Variants in COL8A1 observed in about 807,000 individuals in gnomAD.
COL8A1 encodes collagen type VIII alpha 1 chain.
Under a neutral mutation model 42.7 loss-of-function variants are expected in COL8A1, and 21 were observed. The observed-to-expected ratio is 0.49, with a 90% CI of 0.35 to 0.71. The LOEUF is 0.71. COL8A1 is among the 30% of genes least tolerant of loss of function. COL8A1 has a pLI of 0.01. For synonymous variants in COL8A1, 367 were observed against 369.1 expected, an observed-to-expected ratio of 0.99 and a Z score of 0.06; for missense variants, 788 against 962.4, an observed-to-expected ratio of 0.82 and a Z score of 2.40.
Position 99,790,867 on chromosome 3 carries a change from C to T in COL8A1, c.185C>T (p.Pro62Leu), listed in dbSNP as rs753005443. The T allele has an allele frequency of 6.2e-6, 10 of 1,614,122 alleles. No homozygotes were observed. In the Admixed American group the frequency reaches 6.7e-5, roughly 11 times the overall value. Reference protein sequence around the residue: ...QPLGQQVPHMPLAKDGLAMGK... With the variant: ...QPLGQQVPHMLLAKDGLAMGK... ...CTGGGTCAGCAAGTACCTCACATGC[C>T]TTTGGCCAAAGATGGCCTTGCCATG... The change falls in exon 3 of 4, where the codon CCT (proline) becomes CTT (leucine). Residue 62 changes from proline to leucine, a missense_variant. Pro to Leu is a moderately conservative substitution (Grantham distance 98). Around this residue, in one of 4 missense-constraint regions of COL8A1, gnomAD observed 421 missense variants for 553.1 expected, o/e 0.76. Coordinates refer to ENST00000652472, the MANE Select transcript of COL8A1 (RefSeq NM_020351.4).
rs1471773281 is a variant in COL8A1, at chr3:99,794,408, A to G, written c.507A>G (p.Pro169=). ...KPGMPGMPGK[P]GAMGMPGAKG... ...GTATGCCTGGAATGCCAGGGAAGCC[A>G]GGAGCCATGGGCATGCCTGGGGCAA... The change falls in exon 4 of 4, where the codon CCA becomes CCG. Residue 169 remains proline (P), a synonymous_variant. Transcript: ENST00000652472. This position sits in a 1 kb window ranked among gnomAD's most constrained non-coding sequence, Gnocchi z 4.3. 1.2e-6 allele frequency: 2 copies of G among 1,614,064 alleles called. No individual in the cohort carries two copies. The highest frequency in any genetic ancestry group is 2.2e-5 in the East Asian group (1 of 44,858).
chr3:99,734,130 C>G, intron 1 of COL8A1, among the ~76,000 whole-genome samples: 1 of 151,654 alleles, frequency 6.6e-6, no homozygotes, highest in East Asian at 1.9e-4. Flanking sequence ...GTTTCTTTTG[C>G]TGTGCAGAAG....
chr3:99,734,824 C>A (rs1940651329), intron 1 of COL8A1, among the ~76,000 whole-genome samples: 2 of 152,008 alleles, frequency 1.3e-5, no homozygotes, highest in South Asian at 2.1e-4. Flanking sequence ...CTTTTATTTC[C>A]TTGAGAAGTG....
chr3:99,708,681 C>T (rs549579052), intron 1 of COL8A1, among the ~76,000 whole-genome samples: 8 of 152,140 alleles, frequency 5.3e-5, no homozygotes, highest in Admixed American at 4.6e-4. Flanking sequence ...CTGGATAGGG[C>T]CCCACAAGGA....
chr3:99,796,175 T>C lies in COL8A1; in HGVS notation c.*39T>C. On this transcript the variant is annotated 3_prime_UTR_variant, in exon 4 of 4. Transcript: ENST00000652472. ...AAAAACAAAGAAAAGAAAGAGATTT[T>C]ATAGAAGAAAATGACACACCAAAAA... is the stretch of plus-strand genomic sequence containing the variant. The C allele has an allele frequency of 2.1e-6, 3 of 1,418,746 alleles. No homozygotes were observed. Among genetic ancestry groups the C allele is most frequent in the Non-Finnish European group, 2.8e-6 (3 of 1,077,152 alleles). The allele number at this position is 1,418,746 out of a possible 1,614,324, so 87.9% of individuals were successfully genotyped here. A position where few individuals can be genotyped will look rare whatever the true frequency, so the allele number is the denominator to read the frequency against.
intron 2 of COL8A1, among the ~76,000 whole-genome samples, chr3:99,778,651 G>A (rs1295941329): frequency 6.6e-6 from 1 of 151,884 alleles, no homozygotes; most frequent in Non-Finnish European, 1.5e-5. Context: ...AATTTCTAAG[G>A]AAGAATGGCT....
intron 1 of COL8A1, among the ~76,000 whole-genome samples, chr3:99,718,938 G>C (rs1219722761): frequency 6.6e-6 from 1 of 151,928 alleles, no homozygotes; most frequent in Admixed American, 6.6e-5. Flanking sequence ...GATAATAATA[G>C]AATATTAAAT....
chr3:99,712,282 A>C (rs1383452880), intron 1 of COL8A1, among the ~76,000 whole-genome samples: 1 of 152,132 alleles, frequency 6.6e-6, no homozygotes, highest in East Asian at 1.9e-4. Flanking sequence ...TACCTCTCTA[A>C]GAAGATGGCA....
intron 2 of COL8A1, among the ~76,000 whole-genome samples, chr3:99,778,569 T>C (rs1488932865): frequency 2.0e-5 from 3 of 152,044 alleles, no homozygotes; most frequent in Non-Finnish European, 4.4e-5. Flanking sequence ...CTCAAGAATA[T>C]TTTACCATCG....
chr3:99,702,036 T>C (rs550456662), intron 1 of COL8A1, among the ~76,000 whole-genome samples: 66 of 152,294 alleles, frequency 4.3e-4, no homozygotes, highest in African/African-American at 1.4e-3. Context: ...TAAGAAGTTG[T>C]CTCCTTCGTA....
chr3:99,705,173 A>G (rs1411515879), intron 1 of COL8A1, among the ~76,000 whole-genome samples: 2 of 152,204 alleles, frequency 1.3e-5, no homozygotes, highest in Non-Finnish European at 2.9e-5. Context: ...ATTTAATTCA[A>G]AAACCCAGTT....
At chr3:99,640,877 C>G (rs1937494599) in intron 1 of COL8A1, among the ~76,000 whole-genome samples, 1 of 152,072 alleles carries the variant, frequency 6.6e-6, no homozygotes, top group African/African-American at 2.4e-5. Context: ...ATATAGCTGC[C>G]TCTTGATCAA....
chr3:99,716,364 G>A (rs1256908567), intron 1 of COL8A1, among the ~76,000 whole-genome samples: 1 of 151,960 alleles, frequency 6.6e-6, no homozygotes, highest in South Asian at 2.1e-4. Flanking sequence ...AAACATCGAG[G>A]CAGTTGCACT....
chr3:99,786,629 AT>A (rs1941901943), intron 2 of COL8A1, among the ~76,000 whole-genome samples: 1 of 152,118 alleles, frequency 6.6e-6, no homozygotes, highest in African/African-American at 2.4e-5. Flanking sequence ...AAGCACTCAA[AT>A]CTCAAATTAT....
chr3:99,704,320 G>A (rs1320402812), intron 1 of COL8A1, among the ~76,000 whole-genome samples: 3 of 152,082 alleles, frequency 2.0e-5, no homozygotes, highest in East Asian at 1.9e-4. Context: ...ACACTTTAAA[G>A]GGAAAGCAAA....
intron 2 of COL8A1, among the ~76,000 whole-genome samples, chr3:99,753,802 T>C (rs1310608224): frequency 1.3e-5 from 2 of 152,194 alleles, no homozygotes; most frequent in Non-Finnish European, 2.9e-5. Context: ...GCTTTATATA[T>C]GTTCAATTAT....
intron 1 of COL8A1, among the ~76,000 whole-genome samples, chr3:99,735,741 T>C (rs1369334971): frequency 6.6e-6 from 1 of 151,934 alleles, no homozygotes; most frequent in Non-Finnish European, 1.5e-5. Flanking sequence ...AGCTCCTCCT[T>C]GTACCTCTGG....
chr3:99,688,830 CA>C (rs1939138341), intron 1 of COL8A1, among the ~76,000 whole-genome samples: 1 of 152,180 alleles, frequency 6.6e-6, no homozygotes, highest in African/African-American at 2.4e-5. Context: ...TTCTCACCCT[CA>C]GCACTATTGA....
At chr3:99,709,198 T>C (rs901817620) in intron 1 of COL8A1, among the ~76,000 whole-genome samples, 2 of 152,124 alleles carry the variant, frequency 1.3e-5, no homozygotes, top group Non-Finnish European at 2.9e-5. Flanking sequence ...ACCCACTATA[T>C]CAGTGTTCCC....
Sources: allele counts gnomAD v4.1 joint callset (sites outside exome capture counted in the v4.1 genomes callset), GRCh38; gene constraint gnomAD v4.1.1; regional missense constraint gnomAD v4.1.1; non-coding constraint Gnocchi (gnomAD v3.1); transcripts MANE v1.5; gene names NCBI Gene and HGNC (gene_info 2026-07-23, HGNC 2026-07-21).